The following HGF variants were observed in gnomAD, a reference collection of about 807,000 sequenced individuals.
The protein encoded by HGF is hepatocyte growth factor.
HGF carries 39 observed loss-of-function variants against 111.6 expected under a neutral mutation model. That is an observed-to-expected ratio of 0.35 (90% CI 0.27 to 0.46). HGF has a LOEUF of 0.46. HGF is among the 20% of genes least tolerant of loss of function. The probability of loss-of-function intolerance (pLI) is 1.00; values close to 1 mark genes in which losing one functional copy is unlikely to be tolerated. For missense variants in HGF, 735 were observed against 910.5 expected, an observed-to-expected ratio of 0.81 and a Z score of 2.48; for synonymous variants, 285 against 294.8, an observed-to-expected ratio of 0.97 and a Z score of 0.34.
intron 7 of HGF, among the ~76,000 whole-genome samples, chr7:81,736,337 T>C (rs1179796198): frequency 6.6e-6 from 1 of 152,114 alleles, no homozygotes; most frequent in African/African-American, 2.4e-5. Context: ...GCCCATTTAG[T>C]CACTTAGTAG....
At chr7:81,732,710 C>T (rs1427344900) in intron 7 of HGF, among the ~76,000 whole-genome samples, 2 of 151,828 alleles carry the variant, frequency 1.3e-5, no homozygotes, top group African/African-American at 4.8e-5. Context: ...GTGCAATGAG[C>T]AACTATAAGC....
intron 14 of HGF, among the ~76,000 whole-genome samples, 165 bp from the exon 15 acceptor site, chr7:81,706,592 T>A (rs1484443040): frequency 6.6e-6 from 1 of 152,092 alleles, no homozygotes; most frequent in Non-Finnish European, 1.5e-5. Context: ...AGATTCTGAA[T>A]ACTACAAACA....
chr7:81,710,386 T>C, intron 12 of HGF, 143 bp from the exon 13 acceptor site: 1 of 683,862 alleles, frequency 1.5e-6, no homozygotes, highest in South Asian at 1.6e-5. Context: ...AAGAGAAGTT[T>C]AATATGACCG....
intron 7 of HGF, among the ~76,000 whole-genome samples, chr7:81,731,329 T>C (rs373737998): frequency 1.3e-5 from 2 of 152,142 alleles, no homozygotes; most frequent in African/African-American, 4.8e-5. Flanking sequence ...AATAGAAATA[T>C]GACTCAGAAA....
At chr7:81,758,583 C>T (rs1788899974) in intron 3 of HGF, 109 bp downstream of exon 3, 7 of 723,522 alleles carry the variant, frequency 9.7e-6, no homozygotes, top group African/African-American at 1.8e-5. Flanking sequence ...TAAAATATCT[C>T]ATATATAGTA....
At chr7:81,721,809 C>T (rs9642127) in intron 9 of HGF, among the ~76,000 whole-genome samples, 129,755 of 152,212 alleles carry the variant, frequency 0.85, 55,701 homozygotes, top group African/African-American at 0.95. Context: ...AAAAACTCCT[C>T]TGTATTTAAC....
intron 7 of HGF, among the ~76,000 whole-genome samples, chr7:81,741,581 G>GTA (rs1788005093): frequency 6.9e-6 from 1 of 144,226 alleles, no homozygotes; most frequent in African/African-American, 2.6e-5. Context: ...GTGTGTGTGT[G>GTA]TCTGTGTGTG....
intron 7 of HGF, among the ~76,000 whole-genome samples, chr7:81,740,281 G>T (rs929244708): frequency 6.6e-6 from 1 of 152,152 alleles, no homozygotes; most frequent in African/African-American, 2.4e-5. Flanking sequence ...AATGAGTTCA[G>T]CTGGACTGGA....
chr7:81,708,034 C>T (rs996106323), intron 13 of HGF, among the ~76,000 whole-genome samples: 5 of 151,876 alleles, frequency 3.3e-5, no homozygotes, highest in African/African-American at 1.2e-4. Flanking sequence ...TTGATGATAT[C>T]CAAAATCTGT....
At chr7:81,728,315 A>G (rs1790073278) in intron 8 of HGF, among the ~76,000 whole-genome samples, 1 of 152,218 alleles carries the variant, frequency 6.6e-6, no homozygotes, top group Non-Finnish European at 1.5e-5. Flanking sequence ...CTTAAGCTTC[A>G]CTTGTGAAGT....
chr7:81,710,311 C>G, intron 12 of HGF, 68 bp from the exon 13 acceptor site: 1 of 989,650 alleles, frequency 1.0e-6, no homozygotes, highest in African/African-American at 1.6e-5. Context: ...TCTTAGTTTT[C>G]TTAAATGCAA....
At chr7:81,732,177 C>T (rs972953624) in intron 7 of HGF, among the ~76,000 whole-genome samples, 12 of 152,164 alleles carry the variant, frequency 7.9e-5, no homozygotes, top group African/African-American at 2.9e-4. Context: ...TCCATTGCAT[C>T]TCACTGAGAA....
intron 17 of HGF, 57 bp from the exon 18 acceptor site, chr7:81,702,814 A>T: frequency 7.1e-7 from 1 of 1,403,222 alleles, no homozygotes; most frequent in Non-Finnish European, 1.0e-6. Flanking sequence ...AAAGCTCATT[A>T]ACATAATCAT....
rs545249104 is a variant in HGF, at chr7:81,705,461, G to A, written c.1939C>T (p.Arg647Ter). 1.9e-6 allele frequency: 3 copies of A among 1,612,498 alleles called. No homozygotes were observed. The highest frequency in any genetic ancestry group is 1.3e-5 in the African/African-American group (1 of 74,890). ...GACTCATTCAGAGTCACCTTCCCTCGATGATGCTGGCTGCATTTCTCATTT... is the reference window on the plus strand; with the variant it reads ...GACTCATTCAGAGTCACCTTCCCTCAATGATGCTGGCTGCATTTCTCATTT... ...MGNEKCSQHH[R>*]GKVTLNESEI... Residue 647 changes from arginine to a stop codon, truncating the protein, a stop_gained, in exon 17 of 18, where the codon CGA becomes TGA. Transcript: ENST00000222390. LOFTEE classifies it high-confidence loss of function.
chr7:81,725,769 T>C, intron 9 of HGF, 121 bp downstream of exon 9: 1 of 1,137,774 alleles, frequency 8.8e-7, no homozygotes, highest in Non-Finnish European at 1.3e-6. Context: ...TTGGTGATTT[T>C]GTTTGCAAGC....
chr7:81,742,917 G>A (rs372039959), intron 7 of HGF: 46 of 1,612,950 alleles, frequency 2.9e-5, no homozygotes, highest in Non-Finnish European at 3.9e-5. Flanking sequence ...ACCAGAAGAA[G>A]TTCACCATCA....
Position 81,702,374 on chromosome 7 carries a change from C to T in HGF, c.*207G>A, listed in dbSNP as rs1789304521. On this transcript the variant is annotated 3_prime_UTR_variant, in exon 18 of 18. Transcript: ENST00000222390. ...AGATATGTTATTACACTTGCATGTA[C>T]CTTAATTCACTTCAACATTGACAAA... The T allele has an allele frequency of 1.8e-6, 1 of 548,484 alleles. No homozygotes were observed. The highest frequency in any genetic ancestry group is 1.9e-5 in the African/African-American group (1 of 52,674). 34.0% of individuals were successfully genotyped at this position (548,484 alleles called of 1,614,324 possible).
chr7:81,769,876 G>C lies in HGF; in HGVS notation c.88+8C>G. The stretch of plus-strand genomic sequence containing the variant: ...ATACTAATAATGAAGAAGAAGAAGG[G>C]AACTAACCTGCATAGGGGATGGCGA... On this transcript the variant is annotated splice_region_variant and intron_variant, in intron 1 of 17. Transcript: ENST00000222390. The C allele has an allele frequency of 6.4e-7, 1 of 1,553,818 alleles. No individual in the cohort carries two copies.
At chr7:81,742,462 T>C (rs1410600153) in intron 7 of HGF, among the ~76,000 whole-genome samples, 9 of 152,228 alleles carry the variant, frequency 5.9e-5, no homozygotes, top group Admixed American at 3.9e-4. Flanking sequence ...TGTCTGTCCA[T>C]ATATACATAA....
Sources: allele counts gnomAD v4.1 joint callset (sites outside exome capture counted in the v4.1 genomes callset), GRCh38; gene constraint gnomAD v4.1.1; transcripts MANE v1.5; gene names NCBI Gene and HGNC (gene_info 2026-07-23, HGNC 2026-07-21).